TNFRSF8: variants seen among roughly 807,000 people sequenced by gnomAD.
The protein encoded by TNFRSF8 is TNF receptor superfamily member 8.
TNFRSF8 carries 26 observed loss-of-function variants against 70.8 expected under a neutral mutation model. The ratio of observed to expected loss-of-function variants is 0.37; its 90% CI spans 0.27 to 0.51. The LOEUF is 0.51. Ranked by LOEUF, TNFRSF8 falls within the 20% of genes least tolerant of loss-of-function variation. The probability of loss-of-function intolerance (pLI) is 0.94; values close to 1 mark genes in which losing one functional copy is unlikely to be tolerated. For missense variants in TNFRSF8, 720 were observed against 807.9 expected, an observed-to-expected ratio of 0.89 and a Z score of 1.32; for synonymous variants, 356 against 339.2, an observed-to-expected ratio of 1.05 and a Z score of -0.54.
chr1:12,124,132 G>A (rs1410884986), intron 10 of TNFRSF8, among the ~76,000 whole-genome samples: 1 of 152,138 alleles, frequency 6.6e-6, no homozygotes, highest in Non-Finnish European at 1.5e-5. Context: ...AGCCTCCCGA[G>A]TAGCTGGGTT....
intron 1 of TNFRSF8, among the ~76,000 whole-genome samples, chr1:12,068,547 T>C (rs1640782547): frequency 1.3e-5 from 2 of 152,204 alleles, no homozygotes; most frequent in Admixed American, 1.3e-4. Flanking sequence ...GGGGACCTTC[T>C]TCCGGTATCT....
rs775264600 is a variant in TNFRSF8 at position 12,138,283 on chromosome 1, A to G, written c.1390A>G (p.Met464Val). 1.2e-6 allele frequency: 2 copies of G among 1,613,434 alleles called. No individual in the cohort carries two copies. The highest frequency in any genetic ancestry group is 2.2e-5 in the South Asian group (2 of 91,070). ...TEPVAEERGL[M>V]SQPLMETCHS... The stretch of plus-strand genomic sequence containing the variant: ...ACCCGTCGCGGAAGAGCGAGGGTTA[A>G]TGAGCCAGCCACTGATGGAGACCTG... Residue 464 changes from methionine (M) to valine (V), a missense_variant, in exon 14 of 15, where the codon ATG becomes GTG. By Grantham distance (21) the Met-to-Val change is conservative. Transcript: ENST00000263932. This position sits in a 1 kb window ranked among gnomAD's most constrained non-coding sequence, Gnocchi z 5.7.
chr1:12,086,454 C>T (rs1211214127), intron 2 of TNFRSF8, among the ~76,000 whole-genome samples: 1 of 151,470 alleles, frequency 6.6e-6, no homozygotes, highest in East Asian at 1.9e-4. Context: ...CATCCACCCA[C>T]CCATCCAAGT....
chr1:12,064,873 G>C (rs2100935394), intron 1 of TNFRSF8, among the ~76,000 whole-genome samples: 1 of 152,238 alleles, frequency 6.6e-6, no homozygotes, highest in South Asian at 2.1e-4. Context: ...GAGTGCCAAG[G>C]TCTTGGGGAG....
rs1196786340 is a variant in TNFRSF8, at chr1:12,143,552, G to T, written c.*1021G>T. Reference sequence around the variant, plus strand: ...TGGTTCCGGCTCTGCACGCTTTGGGGTGTGGATGTCGAGAGGCACCACGGC... The same window carrying T: ...TGGTTCCGGCTCTGCACGCTTTGGGTTGTGGATGTCGAGAGGCACCACGGC... On this transcript the variant is annotated 3_prime_UTR_variant, in exon 15 of 15. Coordinates refer to ENST00000263932, the MANE Select transcript of TNFRSF8 (RefSeq NM_001243.5). This position sits in a 1 kb window ranked among gnomAD's most constrained non-coding sequence, Gnocchi z 4.1. 1 of 152,360 alleles carries T rather than the reference G, an allele frequency of 6.6e-6. No homozygotes were observed. The highest frequency in any genetic ancestry group is 1.9e-4 in the East Asian group (1 of 5,198). The allele number at this position is 152,360 out of a possible 1,614,324, so 9.4% of individuals were successfully genotyped here.
intron 12 of TNFRSF8, among the ~76,000 whole-genome samples, chr1:12,128,067 G>A (rs1051109358): frequency 3.3e-5 from 5 of 152,192 alleles, no homozygotes; most frequent in South Asian, 2.1e-4. Flanking sequence ...CGAGCTGGCC[G>A]GATGCCCCTT....
At chr1:12,084,324 T>G in intron 1 of TNFRSF8, 140 bp from the exon 2 acceptor site, 2 of 756,500 alleles carry the variant, frequency 2.6e-6, no homozygotes, top group Non-Finnish European at 2.3e-6. Flanking sequence ...GCGGTGTGGG[T>G]TTGTGGAATC....
At chr1:12,065,484 A>G (rs1026038116) in intron 1 of TNFRSF8, among the ~76,000 whole-genome samples, 4 of 152,342 alleles carry the variant, frequency 2.6e-5, no homozygotes, top group African/African-American at 7.2e-5. Context: ...GATAAAGCCA[A>G]GTCTTTTGAC....
chr1:12,104,802 C>A (rs1026421129), intron 4 of TNFRSF8, among the ~76,000 whole-genome samples: 1 of 152,154 alleles, frequency 6.6e-6, no homozygotes, highest in Non-Finnish European at 1.5e-5. Context: ...AGGCTCAAGG[C>A]AGAAGTTATC....
intron 8 of TNFRSF8, among the ~76,000 whole-genome samples, chr1:12,120,571 CTGTT>C (rs1381679655): frequency 6.6e-6 from 1 of 152,200 alleles, no homozygotes; most frequent in Non-Finnish European, 1.5e-5. Context: ...AAAAGAGAAT[CTGTT>C]TGGCCTTGAT....
At chr1:12,066,577 T>A (rs984974503) in intron 1 of TNFRSF8, among the ~76,000 whole-genome samples, 1 of 152,128 alleles carries the variant, frequency 6.6e-6, no homozygotes, top group Non-Finnish European at 1.5e-5. Flanking sequence ...GGTCTTGAAC[T>A]CCTGACCTCA....
chr1:12,099,615 A>C (rs1178134064), intron 3 of TNFRSF8, among the ~76,000 whole-genome samples: 1 of 151,930 alleles, frequency 6.6e-6, no homozygotes, highest in Non-Finnish European at 1.5e-5. Flanking sequence ...GAGGATATAA[A>C]TTATAGTCAT....
chr1:12,116,805 GA>G (rs1228707187), intron 8 of TNFRSF8, among the ~76,000 whole-genome samples: 8 of 151,360 alleles, frequency 5.3e-5, no homozygotes, highest in Non-Finnish European at 8.8e-5. Context: ...GCCTAAAAAA[GA>G]AAAAAAACCA....
At chr1:12,118,797 A>T (rs990172411) in intron 8 of TNFRSF8, among the ~76,000 whole-genome samples, 3 of 152,178 alleles carry the variant, frequency 2.0e-5, no homozygotes, top group Non-Finnish European at 2.9e-5. Flanking sequence ...TTGCCAGCAG[A>T]GGGCGCTAGA....
chr1:12,142,334 A>T lies in TNFRSF8; in HGVS notation c.1591A>T (p.Lys531Ter). 1 of 1,606,714 alleles carries T rather than the reference A, an allele frequency of 6.2e-7. No individual in the cohort carries two copies. The highest frequency in any genetic ancestry group is 8.5e-7 in the Non-Finnish European group (1 of 1,176,726). Residue 531 changes from lysine to a stop codon, truncating the protein, a stop_gained, in exon 15 of 15, where the codon AAG (lysine) becomes TAG (stop). Coordinates refer to ENST00000263932, the MANE Select transcript of TNFRSF8 (RefSeq NM_001243.5). LOFTEE classifies it high-confidence loss of function. The surrounding 1 kb of genome is among the most constrained non-coding windows in gnomAD (Gnocchi z 5.0). ...KADTVIVGTVKAELPEGRGLA... is the reference protein window; with the variant it reads ...KADTVIVGTV ...TGACACCGTGATCGTGGGGACCGTGAAGGCTGAGCTGCCGGAGGGCCGGGG... is the reference window on the plus strand; with the variant it reads ...TGACACCGTGATCGTGGGGACCGTGTAGGCTGAGCTGCCGGAGGGCCGGGG...
chr1:12,071,606 CTCTT>C (rs1325694805), intron 1 of TNFRSF8, among the ~76,000 whole-genome samples: 1 of 151,798 alleles, frequency 6.6e-6, no homozygotes, highest in Non-Finnish European at 1.5e-5. Flanking sequence ...TTTCCTCTCT[CTCTT>C]TTTTTTTTGA....
intron 8 of TNFRSF8, among the ~76,000 whole-genome samples, chr1:12,118,698 C>T (rs1296154608): frequency 6.6e-6 from 1 of 152,184 alleles, no homozygotes; most frequent in Non-Finnish European, 1.5e-5. Context: ...AGCCCATCAT[C>T]TCTAGGTTCT....
chr1:12,065,152 G>A (rs1393207406), intron 1 of TNFRSF8, among the ~76,000 whole-genome samples: 6 of 134,200 alleles, frequency 4.5e-5, no homozygotes, highest in African/African-American at 1.8e-4. Context: ...GCTCGATCTC[G>A]GCTCACTGCA....
chr1:12,078,362 G>A (rs765600538), intron 1 of TNFRSF8, among the ~76,000 whole-genome samples: 7 of 152,130 alleles, frequency 4.6e-5, no homozygotes, highest in South Asian at 2.1e-4. Context: ...TCAGGAGTTC[G>A]AGACCAGCCT....
Sources: gnomAD v4.1 joint callset for allele counts (sites outside exome capture counted in the v4.1 genomes callset) on GRCh38, gnomAD v4.1.1 for gene constraint, Gnocchi (gnomAD v3.1) non-coding constraint, MANE v1.5 for transcripts, NCBI Gene and HGNC (gene_info 2026-07-23, HGNC 2026-07-21) for gene names.